The following MALRD1 variants were observed in gnomAD, a reference collection of about 807,000 sequenced individuals.
The protein encoded by MALRD1 is MAM and LDL receptor class A domain containing 1.
MALRD1 carries 247 observed loss-of-function variants against 242.1 expected under a neutral mutation model. The ratio of observed to expected loss-of-function variants is 1.02; its 90% CI spans 0.92 to 1.13. MALRD1 has a LOEUF of 1.13. Ranked by LOEUF, MALRD1 falls within the 50% of genes most tolerant of loss-of-function variation. MALRD1 has a pLI of 0.00. For missense variants in MALRD1, 2,989 were observed against 2,533.1 expected (o/e 1.18, Z -3.86); for synonymous variants, 995 against 866.6 (o/e 1.15, Z -2.60).
In MALRD1 at chr10:19,657,284, A is replaced by G. The variant is rs116332360; in HGVS notation, c.6138-34998A>G. On this transcript the variant is annotated intron_variant, in intron 36 of 39. Coordinates refer to ENST00000454679, the MANE Select transcript of MALRD1 (RefSeq NM_001142308.3). ...TAATTGAATTTTTATTCTTTGTTGA[A>G]TAAGCTCCCCTTTCCCACATCCTAA... Among the ~76,000 whole-genome samples, 1,434 of 152,256 alleles carry G rather than the reference A, an allele frequency of 9.4e-3. 23 individuals carry two copies. Among genetic ancestry groups the G allele is most frequent in the African/African-American group, 0.032 (1,346 of 41,556 alleles).
intron 19 of MALRD1, among the ~76,000 whole-genome samples, chr10:19,274,697 A>G (rs1231639757): frequency 6.6e-6 from 1 of 152,210 alleles, no homozygotes; most frequent in Non-Finnish European, 1.5e-5. Context: ...CCTCGAGGAC[A>G]TCATGCTAAG....
At chr10:19,087,244 A>C (rs1282204715) in intron 2 of MALRD1, among the ~76,000 whole-genome samples, 6 of 152,026 alleles carry the variant, frequency 3.9e-5, no homozygotes, top group African/African-American at 9.7e-5. Context: ...CTAATAGTAT[A>C]ATGTTTTCGC....
chr10:19,559,259 C>A (rs184364350), intron 32 of MALRD1, among the ~76,000 whole-genome samples: 1 of 151,818 alleles, frequency 6.6e-6, no homozygotes. Flanking sequence ...AGTGATGGTT[C>A]TTTTGTCATT....
intron 32 of MALRD1, among the ~76,000 whole-genome samples, chr10:19,558,514 C>G (rs1835822893): frequency 6.6e-6 from 1 of 152,042 alleles, no homozygotes; most frequent in African/African-American, 2.4e-5. Context: ...TATTCTGTAG[C>G]TTGTTGATAT....
chr10:19,595,138 C>A, intron 33 of MALRD1, 56 bp from the exon 34 acceptor site: 1 of 1,486,912 alleles, frequency 6.7e-7, no homozygotes. Flanking sequence ...TGTCCCAACA[C>A]TGGATGGAGG....
At chr10:19,673,672 A>G (rs1350476375) in intron 36 of MALRD1, among the ~76,000 whole-genome samples, 2 of 152,164 alleles carry the variant, frequency 1.3e-5, no homozygotes, top group Non-Finnish European at 2.9e-5. Context: ...CAAACAGCCA[A>G]ATAGCCTAGA....
chr10:19,267,076 G>C (rs1290000659), intron 19 of MALRD1, among the ~76,000 whole-genome samples: 1 of 151,924 alleles, frequency 6.6e-6, no homozygotes, highest in East Asian at 1.9e-4. Flanking sequence ...TTGCACCAAG[G>C]ATTAATAGTG....
rs1224825225 is a variant in MALRD1 at position 19,088,086 on chromosome 10, A to G, written c.498A>G (p.Ala166=). Residue 166 remains alanine (A), a synonymous_variant, in exon 4 of 40, where the codon GCA becomes GCG. Coordinates refer to ENST00000454679, the MANE Select transcript of MALRD1 (RefSeq NM_001142308.3). ...SGKLMVGLQT[A]CGGPIQHLWQ... is the part of the protein sequence containing the mutation. ...AATTAATGGTTGGGCTTCAAACTGCATGTGGAGGTCCTATTCAGCATTTAT... is the reference window on the plus strand; with the variant it reads ...AATTAATGGTTGGGCTTCAAACTGCGTGTGGAGGTCCTATTCAGCATTTAT... The G allele has an allele frequency of 4.1e-6, 5 of 1,233,448 alleles. No homozygotes were observed. Among genetic ancestry groups the G allele is most frequent in the African/African-American group, 1.6e-5 (1 of 64,444 alleles). 76.4% of individuals were successfully genotyped at this position (1,233,448 alleles called of 1,614,324 possible).
At chr10:19,501,426 T>C (rs979362056) in intron 31 of MALRD1, among the ~76,000 whole-genome samples, 45 of 152,268 alleles carry the variant, frequency 3.0e-4, no homozygotes, top group African/African-American at 7.2e-4. Flanking sequence ...ACTTGTAAAA[T>C]CCACAATGTG....
chr10:19,392,922 A>G (rs1379977940), intron 28 of MALRD1, among the ~76,000 whole-genome samples: 1 of 152,166 alleles, frequency 6.6e-6, no homozygotes, highest in African/African-American at 2.4e-5. Flanking sequence ...CACTGTGTGC[A>G]TGAGATTCAG....
intron 1 of MALRD1, among the ~76,000 whole-genome samples, chr10:19,053,442 A>C (rs1013965993): frequency 2.6e-5 from 4 of 152,160 alleles, no homozygotes; most frequent in Non-Finnish European, 4.4e-5. Flanking sequence ...GGCAGGAATT[A>C]AGAAAGAAGC....
chr10:19,280,308 ATAGT>A (rs1840744209), intron 20 of MALRD1, 85 bp downstream of exon 20: 4 of 1,022,452 alleles, frequency 3.9e-6, no homozygotes, highest in Non-Finnish European at 5.2e-6. Context: ...GCCTAGCATC[ATAGT>A]TAGATATATT....
At chr10:19,590,717 G>T (rs1419947612) in intron 33 of MALRD1, among the ~76,000 whole-genome samples, 1 of 151,944 alleles carries the variant, frequency 6.6e-6, no homozygotes, top group Admixed American at 6.6e-5. Flanking sequence ...GTGTGTGTCT[G>T]TGTGTGTGTA....
At chr10:19,090,771 CT>C (rs1835852184) in intron 4 of MALRD1, among the ~76,000 whole-genome samples, 1 of 5,766 alleles carries the variant, frequency 1.7e-4, no homozygotes, top group Non-Finnish European at 3.4e-4. Flanking sequence ...CCATCAATAC[CT>C]AATTTATTGA....
intron 18 of MALRD1, among the ~76,000 whole-genome samples, chr10:19,225,462 C>T (rs533096277): frequency 1.9e-4 from 29 of 152,118 alleles, no homozygotes; most frequent in South Asian, 6.2e-4. Context: ...TTTAAATCAA[C>T]GTTTCTATTC....
chr10:19,305,181 T>C (rs985154975), intron 21 of MALRD1, among the ~76,000 whole-genome samples: 10 of 151,684 alleles, frequency 6.6e-5, no homozygotes, highest in Non-Finnish European at 1.2e-4. Context: ...ATCGTATCTA[T>C]TTTAACATAT....
intron 38 of MALRD1, among the ~76,000 whole-genome samples, chr10:19,696,207 A>G (rs1453126253): frequency 4.6e-5 from 7 of 152,182 alleles, no homozygotes; most frequent in African/African-American, 1.7e-4. Context: ...CAGTGCCACT[A>G]AGGGTCCTGG....
chr10:19,145,686 C>A (rs1833704808), intron 10 of MALRD1, among the ~76,000 whole-genome samples: 1 of 150,382 alleles, frequency 6.6e-6, no homozygotes, highest in East Asian at 1.9e-4. Context: ...AAGATAACAC[C>A]AGCTCAGTTC....
intron 14 of MALRD1, among the ~76,000 whole-genome samples, chr10:19,187,886 C>G (rs1412690413): frequency 1.3e-5 from 2 of 152,136 alleles, no homozygotes; most frequent in Non-Finnish European, 2.9e-5. Context: ...GATCTGTACT[C>G]CAAACCTCAG....
Sources: gnomAD v4.1 joint callset for allele counts (sites outside exome capture counted in the v4.1 genomes callset) on GRCh38, gnomAD v4.1.1 for gene constraint, MANE v1.5 for transcripts, NCBI Gene and HGNC (gene_info 2026-07-23, HGNC 2026-07-21) for gene names.